Variants in ESR2 observed in about 807,000 individuals in gnomAD.
ESR2 encodes the protein estrogen receptor beta.
A neutral mutation model predicts 49.6 loss-of-function variants in ESR2; 36 were observed. The observed-to-expected ratio is 0.73, with a 90% CI of 0.56 to 0.96. The LOEUF (loss-of-function observed/expected upper bound fraction) is 0.96. Ranked by LOEUF, ESR2 falls within the 40% of genes least tolerant of loss-of-function variation. ESR2 has a pLI of 0.00. For synonymous variants in ESR2, 320 were observed against 266.1 expected, an observed-to-expected ratio of 1.20 and a Z score of -1.97; for missense variants, 714 against 693.0, an observed-to-expected ratio of 1.03 and a Z score of -0.34.
intron 5 of ESR2, chr14:64,260,219 A>G (rs746006582): frequency 1.3e-6 from 1 of 747,512 alleles, no homozygotes; most frequent in African/African-American, 1.7e-5. Context: ...TGTTGGGTAC[A>G]GAACTCAGAA....
At chr14:64,312,597 C>A (rs1234786086) in intron 1 of ESR2, among the ~76,000 whole-genome samples, 1 of 152,222 alleles carries the variant, frequency 6.6e-6, no homozygotes, top group Non-Finnish European at 1.5e-5. Flanking sequence ...CATCCTCTTA[C>A]AGACTAAGCA....
chr14:64,327,167 C>A (rs1171229798), intron 1 of ESR2, among the ~76,000 whole-genome samples: 1 of 152,072 alleles, frequency 6.6e-6, no homozygotes, highest in Non-Finnish European at 1.5e-5. Context: ...ACCAGATATA[C>A]CTTGTGTCAA....
intron 3 of ESR2, among the ~76,000 whole-genome samples, chr14:64,272,818 A>G (rs745586554): frequency 6.6e-6 from 1 of 151,972 alleles, no homozygotes; most frequent in Non-Finnish European, 1.5e-5. Flanking sequence ...CACAGTTTTG[A>G]TATTTTTGCT....
intron 3 of ESR2, among the ~76,000 whole-genome samples, chr14:64,270,618 C>A (rs1034316126): frequency 2.6e-5 from 4 of 152,218 alleles, no homozygotes; most frequent in African/African-American, 7.2e-5. Flanking sequence ...TCAAGTGATA[C>A]TCCTGCCTCA....
Position 64,282,831 on chromosome 14 carries a change from G to C in ESR2, c.155C>G (p.Ala52Gly). The C allele has an allele frequency of 6.2e-7, 1 of 1,614,202 alleles. No homozygotes were observed. Among genetic ancestry groups the C allele is most frequent in the Non-Finnish European group, 8.5e-7 (1 of 1,180,016 alleles). The part of the protein sequence containing the change: ...EYPAMTFYSP[A>G]VMNYSIPSNV... ...GCTGGGAATGCTGTAATTCATCACA[G>C]CAGGGCTATAGAATGTCATGGCTGG... The change falls in exon 2 of 9, where the codon GCT becomes GGT. Residue 52 changes from alanine (A) to glycine (G), a missense_variant. Ala to Gly is a moderately conservative substitution (Grantham distance 60). Transcript: ENST00000341099.
At chr14:64,292,704 T>G (rs772583237) in intron 1 of ESR2, among the ~76,000 whole-genome samples, 3 of 152,206 alleles carry the variant, frequency 2.0e-5, no homozygotes, top group Non-Finnish European at 2.9e-5. Flanking sequence ...TTTGAATTAT[T>G]ATGTGTTCAA....
chr14:64,268,969 T>C (rs1238119826), intron 3 of ESR2, 58 bp from the exon 4 acceptor site: 2 of 992,056 alleles, frequency 2.0e-6, no homozygotes, highest in East Asian at 2.4e-5. Context: ...GTTAAATCTC[T>C]TCCTGGTCAA....
At chr14:64,257,500 T>A in intron 5 of ESR2, 136 bp from the exon 6 acceptor site, 2 of 1,085,428 alleles carry the variant, frequency 1.8e-6, no homozygotes, top group Non-Finnish European at 2.6e-6. Flanking sequence ...TAGATGTGAT[T>A]AACTGCTCAT....
rs540325814 is a variant in ESR2, at chr14:64,247,383, G to C, written c.1225+2163C>G. Among the ~76,000 whole-genome samples, 40 of 152,298 alleles carry C rather than the reference G, an allele frequency of 2.6e-4. No individual in the cohort carries two copies. The South Asian group carries it at 7.9e-3, about 30-fold the overall frequency. On this transcript the variant is annotated intron_variant, in intron 7 of 8. Transcript: ENST00000341099. ...AGTGCCAATATCCAAGAGTCTGTGA[G>C]AGAAGACACGTATGAAGGTCAGCTG... is the stretch of plus-strand genomic sequence containing the variant.
intron 1 of ESR2, among the ~76,000 whole-genome samples, chr14:64,314,533 C>G (rs1193421047): frequency 6.7e-6 from 1 of 150,170 alleles, no homozygotes; most frequent in Non-Finnish European, 1.5e-5. Context: ...AAATGTAAAA[C>G]AGGAAAAAAA....
At chr14:64,325,218 C>T (rs561045452) in intron 1 of ESR2, among the ~76,000 whole-genome samples, 60 of 152,282 alleles carry the variant, frequency 3.9e-4, no homozygotes, top group African/African-American at 1.4e-3. Flanking sequence ...AATGTAATAC[C>T]TTCTGTTTCC....
upstream of ESR2, among the ~76,000 whole-genome samples, chr14:64,298,023 T>C (rs2076979898): frequency 6.6e-6 from 1 of 152,218 alleles, no homozygotes; most frequent in African/African-American, 2.4e-5. Flanking sequence ...TAACACCTTT[T>C]TTTGGTGGTG....
chr14:64,228,184 C>T (rs2098723887), downstream of ESR2: 4 of 608,642 alleles, frequency 6.6e-6, no homozygotes, highest in Non-Finnish European at 7.5e-6. Context: ...TGCCCTTTCC[C>T]AGGAAGACTA....
At chr14:64,334,077 T>C (rs1213818231) in intron 1 of ESR2, among the ~76,000 whole-genome samples, 1 of 152,178 alleles carries the variant, frequency 6.6e-6, no homozygotes, top group African/African-American at 2.4e-5. Context: ...TAAAAATTAT[T>C]TTTTAAAAGA....
chr14:64,228,005 C>T, downstream of ESR2: 2 of 1,533,700 alleles, frequency 1.3e-6, no homozygotes, highest in Non-Finnish European at 1.7e-6. Flanking sequence ...CACTGGATAC[C>T]AGGACTTTTG....
At chr14:64,299,377 G>A (rs1380387287), upstream of ESR2, among the ~76,000 whole-genome samples, 1 of 150,544 alleles carries the variant, frequency 6.6e-6, no homozygotes, top group Non-Finnish European at 1.5e-5. Context: ...TAACTCTCCA[G>A]TGATGCTCAT....
At chr14:64,297,201 T>C (rs2076967758), upstream of ESR2, among the ~76,000 whole-genome samples, 1 of 152,174 alleles carries the variant, frequency 6.6e-6, no homozygotes, top group Non-Finnish European at 1.5e-5. Flanking sequence ...AGTCATCTTT[T>C]GGGGATAAAG....
At position 64,281,718 on chromosome 14, in the gene ESR2, A is replaced by G. The variant is rs2076672263; in HGVS notation, c.362+906T>C. 2.0e-5 allele frequency among the ~76,000 whole-genome samples: 3 copies of G among 152,214 alleles called. 1 individual carries two copies. In the South Asian group the frequency reaches 6.2e-4, roughly 31 times the overall value. ...TAGAAATATTAATAATTAGATGGAA[A>G]TAATCCATTATGTTACCTTGCATTT... is the stretch of plus-strand genomic sequence containing the variant. On this transcript the variant is annotated intron_variant, in intron 2 of 8. Coordinates refer to ENST00000341099, the MANE Select transcript of ESR2 (RefSeq NM_001437.3).
intron 1 of ESR2, among the ~76,000 whole-genome samples, chr14:64,311,176 C>G (rs1253561641): frequency 2.6e-5 from 4 of 152,060 alleles, no homozygotes; most frequent in Non-Finnish European, 5.9e-5. Context: ...TAGTGACTTA[C>G]AGGGGGTTAA....
Sources: gnomAD v4.1 joint callset for allele counts (sites outside exome capture counted in the v4.1 genomes callset) on GRCh38, gnomAD v4.1.1 for gene constraint, MANE v1.5 for transcripts, NCBI Gene and HGNC (gene_info 2026-07-23, HGNC 2026-07-21) for gene names.